SCAI: variants seen among roughly 807,000 people sequenced by gnomAD.
SCAI encodes the protein protein SCAI.
A neutral mutation model predicts 92.2 loss-of-function variants in SCAI; 24 were observed. The ratio of observed to expected loss-of-function variants is 0.26; its 90% CI spans 0.19 to 0.37. The LOEUF (loss-of-function observed/expected upper bound fraction) is 0.37, where lower values mean the gene tolerates loss of function less well. Ranked by LOEUF, SCAI falls within the 10% of genes least tolerant of loss-of-function variation. The pLI is 1.00. For synonymous variants in SCAI, 261 were observed against 258.6 expected (o/e 1.01, Z -0.09); for missense variants, 450 against 736.2 (o/e 0.61, Z 4.50).
rs1831133716 is a variant in SCAI at position 124,945,592 on chromosome 9, AAATT to A, written c.*7211_*7214del. ...TTATTAATTTTTAAAACCACAAAAG[AAATT>A]AACAAAAATATTTTAAAATTAAGAA... On this transcript the variant is annotated 3_prime_UTR_variant, in exon 18 of 18. Transcript: ENST00000336505. 2 of 152,168 alleles carry A rather than the reference AAATT, an allele frequency of 1.3e-5. No homozygotes were observed. The highest frequency in any genetic ancestry group is 1.3e-4 in the Admixed American group (2 of 15,272). 9.4% of individuals were successfully genotyped at this position (152,168 alleles called of 1,614,324 possible).
At chr9:124,965,451 TCTTGAA>T (rs1395576839) in intron 17 of SCAI, among the ~76,000 whole-genome samples, 128 of 152,312 alleles carry the variant, frequency 8.4e-4, no homozygotes, top group African/African-American at 2.9e-3. Context: ...GTCAGGCTGG[TCTTGAA>T]ATCTTGACCT....
intron 2 of SCAI, among the ~76,000 whole-genome samples, chr9:125,116,242 T>C (rs1459322285): frequency 6.6e-6 from 1 of 152,176 alleles, no homozygotes; most frequent in African/African-American, 2.4e-5. Flanking sequence ...GTGTATATAT[T>C]AGAATTAACT....
At chr9:125,055,767 A>C in intron 3 of SCAI, 109 bp downstream of exon 3, 1 of 814,898 alleles carries the variant, frequency 1.2e-6, no homozygotes, top group Non-Finnish European at 1.9e-6. Flanking sequence ...CTAATACAGA[A>C]ATTTATATGA....
chr9:125,096,212 C>A (rs1012000226), intron 2 of SCAI, among the ~76,000 whole-genome samples: 2 of 152,192 alleles, frequency 1.3e-5, no homozygotes, highest in African/African-American at 4.8e-5. Context: ...TCATGTCTTA[C>A]ATGGATGGCA....
intron 2 of SCAI, among the ~76,000 whole-genome samples, chr9:125,114,768 CTTT>C (rs10541713): frequency 2.4e-5 from 2 of 81,674 alleles, no homozygotes; most frequent in South Asian, 4.7e-4. Flanking sequence ...CCACACCCGG[CTTT>C]TTTTTTTTTT....
Position 124,952,434 on chromosome 9 carries a change from A to G in SCAI, c.*373T>C, listed in dbSNP as rs755326665. 6.2e-6 allele frequency: 1 copy of G among 161,354 alleles called. No homozygotes were observed. The highest frequency in any genetic ancestry group is 1.3e-5 in the Non-Finnish European group (1 of 74,506). 10.0% of individuals were successfully genotyped at this position (161,354 alleles called of 1,614,324 possible). ...TCATTATGAACCATTACATATTTCCAAATCCAGACATTTAACTTAGGTCCA... is the reference window on the plus strand; with the variant it reads ...TCATTATGAACCATTACATATTTCCGAATCCAGACATTTAACTTAGGTCCA... On this transcript the variant is annotated 3_prime_UTR_variant, in exon 18 of 18. Transcript: ENST00000336505.
chr9:125,056,070 T>C (rs934678234), intron 2 of SCAI, 63 bp from the exon 3 acceptor site: 14 of 1,199,740 alleles, frequency 1.2e-5, no homozygotes, highest in Middle Eastern at 3.9e-4. Flanking sequence ...AAAACCTTAG[T>C]TATATCATCT....
chr9:124,971,575 C>T (rs949574907), intron 16 of SCAI, 96 bp downstream of exon 16: 2 of 1,387,656 alleles, frequency 1.4e-6, no homozygotes, highest in African/African-American at 1.5e-5. Context: ...CTGCCTGGGA[C>T]ACATACCTTT....
chr9:125,127,304 C>G (rs936847801), intron 2 of SCAI, among the ~76,000 whole-genome samples: 1 of 152,140 alleles, frequency 6.6e-6, no homozygotes, highest in Non-Finnish European at 1.5e-5. Flanking sequence ...CTATTAGAGT[C>G]TCACATAACT....
chr9:125,029,884 A>T (rs780266697), intron 3 of SCAI, 145 bp from the exon 4 acceptor site: 1 of 493,724 alleles, frequency 2.0e-6, no homozygotes, highest in Non-Finnish European at 3.5e-6. Context: ...TGGAGCAGAA[A>T]TAATTCTATA....
intron 2 of SCAI, among the ~76,000 whole-genome samples, chr9:125,118,819 T>C (rs147874556): frequency 5.9e-5 from 9 of 152,288 alleles, no homozygotes; most frequent in African/African-American, 2.2e-4. Flanking sequence ...TCTGTTCCTG[T>C]GTTAGTCTGC....
intron 2 of SCAI, among the ~76,000 whole-genome samples, chr9:125,066,970 AT>A (rs1833884838): frequency 6.6e-6 from 1 of 152,214 alleles, no homozygotes; most frequent in African/African-American, 2.4e-5. Flanking sequence ...TAGGAAGCCT[AT>A]ACCATCTAGT....
At chr9:125,117,446 A>G (rs1169551605) in intron 2 of SCAI, among the ~76,000 whole-genome samples, 1 of 151,988 alleles carries the variant, frequency 6.6e-6, no homozygotes, top group African/African-American at 2.4e-5. Flanking sequence ...TGGGTAGATC[A>G]CCTGAGGTCA....
chr9:125,097,448 A>C (rs1248158172), intron 2 of SCAI, among the ~76,000 whole-genome samples: 1 of 152,118 alleles, frequency 6.6e-6, no homozygotes, highest in East Asian at 1.9e-4. Context: ...AAAAGTAATA[A>C]TTTAGAAAAA....
intron 3 of SCAI, among the ~76,000 whole-genome samples, chr9:125,033,339 A>C (rs1833122495): frequency 6.6e-6 from 1 of 152,176 alleles, no homozygotes; most frequent in Non-Finnish European, 1.5e-5. Flanking sequence ...TCAGAGACAG[A>C]GATAAATAAA....
chr9:125,020,874 C>T, intron 6 of SCAI, 105 bp from the exon 7 acceptor site: 1 of 543,754 alleles, frequency 1.8e-6, no homozygotes. Flanking sequence ...CTTTTCTGCA[C>T]AATTATAAAC....
intron 2 of SCAI, among the ~76,000 whole-genome samples, chr9:125,123,569 G>A (rs1463354716): frequency 6.6e-6 from 1 of 152,176 alleles, no homozygotes; most frequent in Non-Finnish European, 1.5e-5. Flanking sequence ...GAGGTCAGGA[G>A]ATCGAGAACA....
At chr9:125,131,327 GA>G (rs1228076800) in intron 2 of SCAI, among the ~76,000 whole-genome samples, 5 of 150,256 alleles carry the variant, frequency 3.3e-5, no homozygotes, top group Middle Eastern at 3.4e-3. Flanking sequence ...AGAATCGCTG[GA>G]ACCCGGGAGG....
intron 14 of SCAI, among the ~76,000 whole-genome samples, chr9:124,990,215 G>GC (rs1832090089): frequency 6.6e-6 from 1 of 151,974 alleles, no homozygotes; most frequent in Non-Finnish European, 1.5e-5. Context: ...TAGGCTGGGA[G>GC]CGGTGGTTCA....
Sources: allele counts gnomAD v4.1 joint callset (sites outside exome capture counted in the v4.1 genomes callset), GRCh38; gene constraint gnomAD v4.1.1; transcripts MANE v1.5; gene names NCBI Gene and HGNC (gene_info 2026-07-23, HGNC 2026-07-21).